WASF3: variants seen among roughly 807,000 people sequenced by gnomAD.
The protein encoded by WASF3 is actin-binding protein WASF3.
A neutral mutation model predicts 46.6 loss-of-function variants in WASF3; 11 were observed. That is an observed-to-expected ratio of 0.24 (90% confidence interval 0.15 to 0.39). The LOEUF (loss-of-function observed/expected upper bound fraction) is 0.39, where lower values mean the gene tolerates loss of function less well. Ranked by LOEUF, WASF3 falls within the 10% of genes least tolerant of loss-of-function variation. WASF3 has a pLI of 1.00. For missense variants in WASF3, 576 were observed against 669.8 expected, an observed-to-expected ratio of 0.86 and a Z score of 1.55; for synonymous variants, 242 against 259.7, an observed-to-expected ratio of 0.93 and a Z score of 0.65.
At chr13:26,606,950 C>G (rs1880818344) in intron 1 of WASF3, 1 of 152,130 alleles carries the variant, frequency 6.6e-6, no homozygotes, top group Non-Finnish European at 1.5e-5. Context: ...ATTCATGTGA[C>G]TTTTATTACA....
chr13:26,627,792 C>T (rs1013379999), intron 2 of WASF3, among the ~76,000 whole-genome samples: 14 of 150,520 alleles, frequency 9.3e-5, no homozygotes, highest in Non-Finnish European at 1.5e-4. Flanking sequence ...TGCTAGATGA[C>T]GAGTTAGTGG....
chr13:26,539,216 A>G, the WASF3 span, among the ~76,000 whole-genome samples: 1 of 152,198 alleles, frequency 6.6e-6, no homozygotes, highest in Admixed American at 6.5e-5. Context: ...GGACAAATGC[A>G]GAATTTGGAA....
chr13:26,667,682 T>A lies in WASF3; in HGVS notation c.422+12T>A. The A allele has an allele frequency of 6.2e-7, 1 of 1,612,348 alleles. No individual in the cohort carries two copies. The highest frequency in any genetic ancestry group is 8.5e-7 in the Non-Finnish European group (1 of 1,179,306). On this transcript the variant is annotated intron_variant, in intron 5 of 9. Transcript: ENST00000335327. Reference sequence around the variant, plus strand: ...CTGACACCATACAGGTATAGCTTCATGAGTCCCAGAGCCTCTCCTTGAGAT... The same window carrying A: ...CTGACACCATACAGGTATAGCTTCAAGAGTCCCAGAGCCTCTCCTTGAGAT...
chr13:26,557,211 T>C (rs551905538), upstream of WASF3, among the ~76,000 whole-genome samples: 34 of 152,270 alleles, frequency 2.2e-4, no homozygotes, highest in South Asian at 2.9e-3. Context: ...GAGCAGGGCA[T>C]AAAACCAACC....
chr13:26,676,375 G>A (rs1883068669), intron 6 of WASF3, among the ~76,000 whole-genome samples, 174 bp from the exon 7 acceptor site: 1 of 152,204 alleles, frequency 6.6e-6, no homozygotes, highest in Admixed American at 6.5e-5. Flanking sequence ...TGTTGGTTCT[G>A]TTGGGTAAGA....
intron 4 of WASF3, among the ~76,000 whole-genome samples, chr13:26,665,719 C>CATTT (rs1882751059): frequency 6.6e-6 from 1 of 152,186 alleles, no homozygotes; most frequent in Non-Finnish European, 1.5e-5. Context: ...AACTGATAGT[C>CATTT]ATTTGATGAT....
At chr13:26,649,931 C>T (rs1315014132) in intron 3 of WASF3, among the ~76,000 whole-genome samples, 4 of 151,996 alleles carry the variant, frequency 2.6e-5, no homozygotes, top group South Asian at 2.1e-4. Context: ...ATTAGCCAGG[C>T]GTGGTGGTGG....
At chr13:26,652,152 A>G (rs578156095) in intron 3 of WASF3, among the ~76,000 whole-genome samples, 4 of 152,332 alleles carry the variant, frequency 2.6e-5, no homozygotes, top group African/African-American at 9.6e-5. Context: ...TGAGACTAAA[A>G]TACATGCATT....
At chr13:26,547,580 T>C in the WASF3 span, among the ~76,000 whole-genome samples, 1 of 152,222 alleles carries the variant, frequency 6.6e-6, no homozygotes, top group Non-Finnish European at 1.5e-5. Context: ...TTCTCATATT[T>C]GAGGTGTGAA....
the WASF3 span, among the ~76,000 whole-genome samples, chr13:26,552,363 A>G: frequency 6.6e-6 from 1 of 152,218 alleles, no homozygotes; most frequent in Non-Finnish European, 1.5e-5. Context: ...TAAAGTTAAT[A>G]TCAATATACT....
upstream of WASF3, among the ~76,000 whole-genome samples, chr13:26,554,092 C>CTTT (rs1443126879): frequency 4.3e-5 from 1 of 23,262 alleles, no homozygotes; most frequent in East Asian, 1.8e-3. Context: ...TCCTTCCTTC[C>CTTT]TTCCTTCTTT....
intron 3 of WASF3, among the ~76,000 whole-genome samples, chr13:26,653,285 T>C (rs9507756): frequency 0.29 from 43,833 of 151,994 alleles, 6,599 homozygotes; most frequent in South Asian, 0.39. Context: ...GTCATTCTCA[T>C]CAAGTATAAA....
intron 2 of WASF3, among the ~76,000 whole-genome samples, chr13:26,628,452 A>G (rs1177989097): frequency 6.6e-6 from 1 of 152,204 alleles, no homozygotes; most frequent in Admixed American, 6.5e-5. Flanking sequence ...GAGAATTAGC[A>G]CAGCAAGTAT....
At position 26,688,380 on chromosome 13, in the gene WASF3, C is replaced by T. The variant is rs1443901008; in HGVS notation, c.*2535C>T. On this transcript the variant is annotated 3_prime_UTR_variant, in exon 10 of 10. Transcript: ENST00000335327. Reference sequence around the variant, plus strand: ...AATTGTAAGGTAATTTTAAATTGTCCCTCGTATTATTTCTCCACGTCTGTT... The same window carrying T: ...AATTGTAAGGTAATTTTAAATTGTCTCTCGTATTATTTCTCCACGTCTGTT... 1 of 151,786 alleles carries T rather than the reference C, an allele frequency of 6.6e-6. No individual in the cohort carries two copies. The highest frequency in any genetic ancestry group is 1.5e-5 in the Non-Finnish European group (1 of 67,954). The allele number at this position is 151,786 out of a possible 1,614,324, so 9.4% of individuals were successfully genotyped here. A position where few individuals can be genotyped will look rare whatever the true frequency, so the allele number is the denominator to read the frequency against.
rs552345711 is a variant in WASF3 at position 26,686,882 on chromosome 13, T to C, written c.*1037T>C. 4 of 152,392 alleles carry C rather than the reference T, an allele frequency of 2.6e-5. No homozygotes were observed. The highest frequency in any genetic ancestry group is 2.6e-4 in the Admixed American group (4 of 15,308). The allele number at this position is 152,392 out of a possible 1,614,324, so 9.4% of individuals were successfully genotyped here. On this transcript the variant is annotated 3_prime_UTR_variant, in exon 10 of 10. Coordinates refer to ENST00000335327, the MANE Select transcript of WASF3 (RefSeq NM_006646.6). ...TTAAAAGCTTAGGTTTAGGTGAAAG[T>C]AGATATTGACAGCTATTCACCTTTC...
At chr13:26,615,411 C>T (rs1354522749) in intron 2 of WASF3, among the ~76,000 whole-genome samples, 3 of 152,156 alleles carry the variant, frequency 2.0e-5, no homozygotes, top group South Asian at 2.1e-4. Flanking sequence ...CTGGTTCAAG[C>T]GATTCTCCTG....
chr13:26,580,286 C>T (rs773142044), intron 1 of WASF3, among the ~76,000 whole-genome samples: 4 of 152,068 alleles, frequency 2.6e-5, no homozygotes, highest in Admixed American at 6.5e-5. Context: ...AATATGAATA[C>T]GTCCAAAAGT....
intron 3 of WASF3, among the ~76,000 whole-genome samples, chr13:26,652,815 G>A (rs879884222): frequency 1.3e-5 from 2 of 152,126 alleles, no homozygotes; most frequent in African/African-American, 2.4e-5. Context: ...TGTATTTGTG[G>A]GATTTTGTTA....
upstream of WASF3, among the ~76,000 whole-genome samples, chr13:26,554,092 CTTCCTTCT>C (rs1879038087): frequency 2.6e-3 from 61 of 23,218 alleles, no homozygotes; most frequent in African/African-American, 5.1e-3. Flanking sequence ...TCCTTCCTTC[CTTCCTTCT>C]TTCTTTCTTT....
Sources: allele counts gnomAD v4.1 joint callset (sites outside exome capture counted in the v4.1 genomes callset), GRCh38; gene constraint gnomAD v4.1.1; transcripts MANE v1.5; gene names NCBI Gene and HGNC (gene_info 2026-07-23, HGNC 2026-07-21).